Variants in GLRA2 observed in about 807,000 individuals in gnomAD.
The protein encoded by GLRA2 is glycine receptor alpha 2, also known as glycine receptor subunit alpha-2.
GLRA2 carries 11 observed loss-of-function variants against 31.6 expected under a neutral mutation model. That is an observed-to-expected ratio of 0.35 (90% CI 0.22 to 0.58). The LOEUF (loss-of-function observed/expected upper bound fraction) is 0.58. GLRA2 is among the 20% of genes least tolerant of loss of function. GLRA2 has a pLI of 0.84. For missense variants in GLRA2, 212 were observed against 351.8 expected, an observed-to-expected ratio of 0.60 and a Z score of 3.18; for synonymous variants, 132 against 134.0, an observed-to-expected ratio of 0.99 and a Z score of 0.10.
chrX:14,519,283 C>A, the GLRA2 span, among the ~76,000 whole-genome samples: 1 of 111,220 alleles, frequency 9.0e-6, no homozygotes, highest in African/African-American at 3.3e-5. Flanking sequence ...AAATCCCAAT[C>A]CAAGAAATGA....
chrX:14,643,652 A>T (rs1003831018), intron 7 of GLRA2, among the ~76,000 whole-genome samples: 1 of 111,831 alleles, frequency 8.9e-6, no homozygotes, highest in African/African-American at 3.2e-5. Context: ...TCAAATTTGA[A>T]TTATACCAGG....
At chrX:14,594,346 C>T (rs1358717485) in intron 4 of GLRA2, among the ~76,000 whole-genome samples, 1 of 111,157 alleles carries the variant, frequency 9.0e-6, no homozygotes, top group Non-Finnish European at 1.9e-5. Context: ...CTCAGTGCCA[C>T]GATTAAATAG....
intron 2 of GLRA2, among the ~76,000 whole-genome samples, chrX:14,551,111 A>T (rs1370486120): frequency 1.8e-5 from 2 of 112,026 alleles, no homozygotes; most frequent in African/African-American, 3.2e-5. Context: ...AATAGAACAG[A>T]AATTGTATTT....
chrX:14,462,907 C>T, the GLRA2 span, among the ~76,000 whole-genome samples: 1 of 111,342 alleles, frequency 9.0e-6, no homozygotes, highest in South Asian at 3.8e-4. Context: ...AGTTGTGTTC[C>T]TTTGGAGGAG....
chrX:14,651,212 C>T (rs1312249146), intron 7 of GLRA2, among the ~76,000 whole-genome samples: 1 of 111,452 alleles, frequency 9.0e-6, no homozygotes, highest in African/African-American at 3.3e-5. Context: ...ACTTGTAGGG[C>T]TTCATGAGGG....
intron 4 of GLRA2, among the ~76,000 whole-genome samples, chrX:14,588,974 T>C (rs1026789591): frequency 1.8e-5 from 2 of 112,309 alleles, no homozygotes; most frequent in African/African-American, 6.5e-5. Context: ...AGGAGCCTTT[T>C]GGCTGAGTCT....
At chrX:14,676,507 C>T (rs771588403) in intron 7 of GLRA2, among the ~76,000 whole-genome samples, 6 of 111,898 alleles carry the variant, frequency 5.4e-5, no homozygotes, top group Non-Finnish European at 1.1e-4. Context: ...GGAGGAATGT[C>T]GCAGTTCTCT....
chrX:14,597,232 TGAAA>T (rs966988772), intron 4 of GLRA2, among the ~76,000 whole-genome samples: 1 of 111,741 alleles, frequency 8.9e-6, no homozygotes, highest in African/African-American at 3.3e-5. Context: ...ATGTTCTCAG[TGAAA>T]GAGTGAATAG....
chrX:14,691,234 A>C (rs1194355915), intron 8 of GLRA2, among the ~76,000 whole-genome samples: 2 of 109,655 alleles, frequency 1.8e-5, no homozygotes, highest in African/African-American at 3.3e-5. Flanking sequence ...TTGATTTGAC[A>C]AAGTTACTTT....
chrX:14,628,073 G>A (rs187264264), intron 7 of GLRA2, among the ~76,000 whole-genome samples: 35 of 111,182 alleles, frequency 3.1e-4, no homozygotes, highest in Non-Finnish European at 1.7e-4. Context: ...TGAGGGTATC[G>A]TGGTTTGACA....
chrX:14,541,412 T>G (rs953750832), intron 2 of GLRA2, among the ~76,000 whole-genome samples: 1 of 111,622 alleles, frequency 9.0e-6, no homozygotes, highest in East Asian at 2.8e-4. Context: ...ATCTTGGCAA[T>G]TCTCCTACGT....
chrX:14,722,946 A>C (rs911506598), intron 8 of GLRA2, among the ~76,000 whole-genome samples: 5 of 112,961 alleles, frequency 4.4e-5, no homozygotes, highest in Non-Finnish European at 5.6e-5. Context: ...TATCTGGGTA[A>C]AACTTGAAAA....
intron 8 of GLRA2, among the ~76,000 whole-genome samples, chrX:14,706,549 T>G (rs1010432247): frequency 1.8e-5 from 2 of 112,301 alleles, no homozygotes; most frequent in Non-Finnish European, 3.8e-5. Context: ...ATAGAGTAAT[T>G]TAACCCTATG....
At chrX:14,572,089 T>C (rs1385699637) in intron 2 of GLRA2, among the ~76,000 whole-genome samples, 2 of 111,932 alleles carry the variant, frequency 1.8e-5, no homozygotes, top group Admixed American at 9.5e-5. Context: ...TTACATGCAC[T>C]TAGCACAGTG....
At chrX:14,612,628 G>A (rs1201521495) in intron 7 of GLRA2, among the ~76,000 whole-genome samples, 3 of 111,223 alleles carry the variant, frequency 2.7e-5, no homozygotes, top group African/African-American at 9.8e-5. Flanking sequence ...TATACACCAT[G>A]GAATACTATG....
At chrX:14,639,959 C>G (rs2090755431) in intron 7 of GLRA2, among the ~76,000 whole-genome samples, 1 of 111,772 alleles carries the variant, frequency 8.9e-6, no homozygotes, top group Admixed American at 9.5e-5. Flanking sequence ...ATGTGAATTT[C>G]ACATATTTGG....
the GLRA2 span, among the ~76,000 whole-genome samples, chrX:14,459,242 T>C: frequency 8.9e-6 from 1 of 111,969 alleles, no homozygotes. Flanking sequence ...AACTCTGTTT[T>C]GGTACCAGTA....
At chrX:14,549,037 T>C (rs2089519994) in intron 2 of GLRA2, among the ~76,000 whole-genome samples, 1 of 112,284 alleles carries the variant, frequency 8.9e-6, no homozygotes, top group African/African-American at 3.2e-5. Flanking sequence ...CTAATAGTGA[T>C]GACCTTTATT....
intron 4 of GLRA2, among the ~76,000 whole-genome samples, chrX:14,593,982 A>T (rs1001704330): frequency 1.3e-4 from 15 of 112,661 alleles, no homozygotes; most frequent in African/African-American, 4.5e-4. Flanking sequence ...TGTTAAAAGT[A>T]AACTGAGGAA....
Sources: gnomAD v4.1 joint callset for allele counts (sites outside exome capture counted in the v4.1 genomes callset) on GRCh38, gnomAD v4.1.1 for gene constraint, MANE v1.5 for transcripts, NCBI Gene and HGNC (gene_info 2026-07-23, HGNC 2026-07-21) for gene names.